The following DMD variants were observed in gnomAD, a reference collection of about 807,000 sequenced individuals.
DMD encodes mutant dystrophin.
Under a neutral mutation model 330.1 loss-of-function variants are expected in DMD, and 63 were observed. The ratio of observed to expected loss-of-function variants is 0.19; its 90% CI spans 0.16 to 0.24. DMD has a LOEUF of 0.24. DMD is among the 10% of genes least tolerant of loss of function. The probability of loss-of-function intolerance (pLI) is 1.00; values close to 1 mark genes in which losing one functional copy is unlikely to be tolerated. For synonymous variants in DMD, 1,223 were observed against 959.8 expected (o/e 1.27, Z -5.07); for missense variants, 3,344 against 2,684.1 (o/e 1.25, Z -5.43).
chrX:31,687,525 C>A (rs2082766016), intron 52 of DMD, among the ~76,000 whole-genome samples: 1 of 111,553 alleles, frequency 9.0e-6, no homozygotes, highest in Admixed American at 9.5e-5. Flanking sequence ...CAGTGGAGGC[C>A]AAGCAGAACC....
At chrX:32,720,380 C>G (rs927007481) in intron 7 of DMD, among the ~76,000 whole-genome samples, 4 of 111,689 alleles carry the variant, frequency 3.6e-5, no homozygotes, top group African/African-American at 1.3e-4. Context: ...TAGATAATTT[C>G]TATTACTTAC....
chrX:32,298,887 T>C (rs1781008015), intron 42 of DMD, among the ~76,000 whole-genome samples: 1 of 110,886 alleles, frequency 9.0e-6, no homozygotes, highest in South Asian at 3.8e-4. Context: ...GTTTTGGGGA[T>C]AACAGAAATC....
intron 77 of DMD, among the ~76,000 whole-genome samples, chrX:31,131,757 CTT>C (rs1024581645): frequency 2.7e-5 from 3 of 111,461 alleles, no homozygotes; most frequent in Admixed American, 1.9e-4. Flanking sequence ...AACAAAAGTG[CTT>C]TTAGTTGGAA....
At chrX:31,651,901 C>G (rs1200379334) in intron 54 of DMD, among the ~76,000 whole-genome samples, 1 of 111,614 alleles carries the variant, frequency 9.0e-6, no homozygotes, top group African/African-American at 3.3e-5. Flanking sequence ...CCAGATAAGA[C>G]AAAACATGTC....
At chrX:31,653,354 C>T (rs903672774) in intron 54 of DMD, among the ~76,000 whole-genome samples, 3 of 111,423 alleles carry the variant, frequency 2.7e-5, no homozygotes, top group African/African-American at 6.5e-5. Context: ...TGCATATACA[C>T]GTATATGTAT....
At chrX:31,886,850 T>C (rs762230849) in intron 47 of DMD, among the ~76,000 whole-genome samples, 8 of 112,344 alleles carry the variant, frequency 7.1e-5, no homozygotes, top group African/African-American at 2.6e-4. Context: ...GCAATGAATA[T>C]GTGCTTCTTT....
At chrX:31,343,524 G>A (rs1467897882) in intron 61 of DMD, among the ~76,000 whole-genome samples, 1 of 110,437 alleles carries the variant, frequency 9.1e-6, no homozygotes, top group Non-Finnish European at 1.9e-5. Context: ...GGCTGCCTCT[G>A]TCTTCTGATA....
chrX:32,406,127 G>T (rs767150631), intron 30 of DMD, among the ~76,000 whole-genome samples: 2 of 111,728 alleles, frequency 1.8e-5, no homozygotes, highest in South Asian at 7.5e-4. Flanking sequence ...TGCTGAAGTT[G>T]CTTATCAGCT....
chrX:32,538,630 G>A (rs1010480198), intron 17 of DMD, among the ~76,000 whole-genome samples: 1 of 111,281 alleles, frequency 9.0e-6, no homozygotes, highest in African/African-American at 3.3e-5. Flanking sequence ...AAGAGAATCA[G>A]GGGTCAGACT....
chrX:32,777,240 G>A (rs997823913), intron 7 of DMD, among the ~76,000 whole-genome samples: 16 of 72,710 alleles, frequency 2.2e-4, no homozygotes, highest in Non-Finnish European at 3.7e-4. Flanking sequence ...ATACAGACTG[G>A]ACTGGAAGTT....
chrX:32,299,088 A>G (rs1305885551), intron 42 of DMD, among the ~76,000 whole-genome samples: 1 of 110,448 alleles, frequency 9.1e-6, no homozygotes, highest in East Asian at 2.8e-4. Context: ...TTGCACTAAC[A>G]CAGGAAAATG....
At chrX:31,540,348 T>G (rs1388768947) in intron 55 of DMD, among the ~76,000 whole-genome samples, 1 of 112,387 alleles carries the variant, frequency 8.9e-6, no homozygotes, top group Non-Finnish European at 1.9e-5. Flanking sequence ...TTATTTTTAT[T>G]CACTTGGAAA....
chrX:31,358,474 G>T (rs1232150914), intron 60 of DMD, among the ~76,000 whole-genome samples: 2 of 111,805 alleles, frequency 1.8e-5, no homozygotes, highest in Non-Finnish European at 3.8e-5. Context: ...ATCCTCAAGT[G>T]AAATCAACAC....
At chrX:32,181,009 T>C (rs73219243) in intron 44 of DMD, among the ~76,000 whole-genome samples, 1 of 111,926 alleles carries the variant, frequency 8.9e-6, no homozygotes, top group Non-Finnish European at 1.9e-5. Flanking sequence ...ATCCCCACAA[T>C]GTGTGCAATA....
chrX:33,134,336 T>C (rs1364261338), intron 1 of DMD, among the ~76,000 whole-genome samples: 1 of 111,616 alleles, frequency 9.0e-6, no homozygotes, highest in East Asian at 2.8e-4. Flanking sequence ...ACCCATCAAC[T>C]ATAGGCGGTA....
At chrX:31,529,261 T>C (rs1390645363) in intron 55 of DMD, among the ~76,000 whole-genome samples, 2 of 109,775 alleles carry the variant, frequency 1.8e-5, no homozygotes, top group African/African-American at 6.6e-5. Context: ...GGTGCACAGC[T>C]ATAATCCTGG....
At position 32,438,390 on chromosome X, in the gene DMD, A is replaced by G; in HGVS notation, c.3922T>C (p.Ser1308Pro). 2 of 1,210,734 alleles carry G rather than the reference A, an allele frequency of 1.7e-6. No homozygotes were observed. Among genetic ancestry groups the G allele is most frequent in the Non-Finnish European group, 2.2e-6 (2 of 894,793 alleles). ...GAATGTCGCATCAAATTTTCAAGTG[A>G]CTGAAACACATTTGCAATAATTACT... ...GAEEISEVLD[S>P]LENLMRHSED... The change falls in exon 29 of 79, where the codon TCA becomes CCA. Residue 1308 changes from serine (S) to proline (P), a missense_variant and splice_region_variant. Coordinates refer to ENST00000357033, the MANE Select transcript of DMD (RefSeq NM_004006.3).
intron 1 of DMD, among the ~76,000 whole-genome samples, chrX:33,039,994 G>A (rs1362427761): frequency 9.0e-6 from 1 of 111,076 alleles, no homozygotes; most frequent in Non-Finnish European, 1.9e-5. Context: ...GCAGGGAACT[G>A]GAGGAAGAAG....
At chrX:32,504,414 G>A (rs890945474) in intron 18 of DMD, among the ~76,000 whole-genome samples, 9 of 110,579 alleles carry the variant, frequency 8.1e-5, no homozygotes, top group Non-Finnish European at 1.1e-4. Context: ...ACCTGAGGTC[G>A]GGAGTTCGAG....
Sources: allele counts gnomAD v4.1 joint callset (sites outside exome capture counted in the v4.1 genomes callset), GRCh38; gene constraint gnomAD v4.1.1; transcripts MANE v1.5; gene names NCBI Gene and HGNC (gene_info 2026-07-23, HGNC 2026-07-21).